The following ADAMTS3 variants were observed in gnomAD, a reference collection of about 807,000 sequenced individuals.
ADAMTS3 encodes ADAM metallopeptidase with thrombospondin type 1 motif 3, also known as A disintegrin and metalloproteinase with thrombospondin motifs 3.
A neutral mutation model predicts 129.0 loss-of-function variants in ADAMTS3; 73 were observed. The ratio of observed to expected loss-of-function variants is 0.57; its 90% confidence interval spans 0.47 to 0.69. The LOEUF (loss-of-function observed/expected upper bound fraction) is 0.69, where lower values mean the gene tolerates loss of function less well. Ranked by LOEUF, ADAMTS3 falls within the 30% of genes least tolerant of loss-of-function variation. The probability of loss-of-function intolerance (pLI) is 0.00; values close to 1 mark genes in which losing one functional copy is unlikely to be tolerated. For missense variants in ADAMTS3, 1,457 were observed against 1,514.5 expected (o/e 0.96, Z 0.63); for synonymous variants, 477 against 510.8 (o/e 0.93, Z 0.89).
intron 5 of ADAMTS3, among the ~76,000 whole-genome samples, chr4:72,326,124 T>C (rs1026100267): frequency 1.3e-5 from 2 of 152,100 alleles, no homozygotes; most frequent in East Asian, 3.9e-4. Flanking sequence ...CAAAATCAGT[T>C]TAAGAATGTT....
chr4:72,309,496 C>G lies in ADAMTS3; in HGVS notation c.2080G>C (p.Gly694Arg). Reference protein sequence around the residue: ...CVKVGCDKEIGSNKVEDKCGV... With the variant: ...CVKVGCDKEIRSNKVEDKCGV... The stretch of plus-strand genomic sequence containing the variant: ...CACTTATCCTCAACCTTATTAGAAC[C>G]AATTTCTTTATCACAGCCCACTTTC... Residue 694 changes from glycine to arginine, a missense_variant, in exon 15 of 22, where the codon GGT becomes CGT. Transcript: ENST00000286657. The G allele has an allele frequency of 1.9e-6, 3 of 1,611,766 alleles. No homozygotes were observed. The highest frequency in any genetic ancestry group is 1.7e-6 in the Non-Finnish European group (2 of 1,178,370).
At chr4:72,410,379 C>T (rs567666824) in intron 4 of ADAMTS3, among the ~76,000 whole-genome samples, 112 of 152,148 alleles carry the variant, frequency 7.4e-4, no homozygotes, top group African/African-American at 2.6e-3. Context: ...CACAAGCACT[C>T]GGGTTCATGC....
At chr4:72,434,333 A>T (rs2109950795) in intron 3 of ADAMTS3, among the ~76,000 whole-genome samples, 1 of 152,036 alleles carries the variant, frequency 6.6e-6, no homozygotes, top group East Asian at 1.9e-4. Flanking sequence ...AGACTCAAGA[A>T]ATTAAAATGG....
intron 3 of ADAMTS3, among the ~76,000 whole-genome samples, chr4:72,436,684 G>C (rs898530906): frequency 1.3e-5 from 2 of 151,994 alleles, no homozygotes; most frequent in African/African-American, 4.8e-5. Flanking sequence ...CCATAAAAAA[G>C]GATGAGTTCA....
chr4:72,393,401 TTTG>T (rs1721649569), intron 4 of ADAMTS3, among the ~76,000 whole-genome samples: 1 of 152,206 alleles, frequency 6.6e-6, no homozygotes, highest in Non-Finnish European at 1.5e-5. Flanking sequence ...ACATTTCCTC[TTTG>T]TTGTTTTAAA....
chr4:72,555,826 T>C (rs1721749820), intron 2 of ADAMTS3, among the ~76,000 whole-genome samples: 1 of 151,380 alleles, frequency 6.6e-6, no homozygotes, highest in Non-Finnish European at 1.5e-5. Flanking sequence ...TGAGTTCTCA[T>C]GAGATATGGT....
intron 4 of ADAMTS3, among the ~76,000 whole-genome samples, chr4:72,399,796 GTA>G (rs1207164823): frequency 2.7e-5 from 4 of 146,370 alleles, no homozygotes; most frequent in African/African-American, 1.0e-4. Context: ...GCATATGTGT[GTA>G]TATATATACA....
intron 4 of ADAMTS3, among the ~76,000 whole-genome samples, chr4:72,355,522 T>A (rs1019416006): frequency 6.6e-5 from 10 of 152,004 alleles, no homozygotes; most frequent in African/African-American, 2.4e-4. Context: ...CTCATTGTGA[T>A]GGTATTAAGA....
intron 4 of ADAMTS3, among the ~76,000 whole-genome samples, chr4:72,366,188 A>G (rs72863706): frequency 0.076 from 11,579 of 152,242 alleles, 1,505 homozygotes; most frequent in African/African-American, 0.26. Context: ...AAAATAGCTC[A>G]CATGTCTTGG....
At chr4:72,458,889 A>C (rs1718692866) in intron 3 of ADAMTS3, among the ~76,000 whole-genome samples, 1 of 151,636 alleles carries the variant, frequency 6.6e-6, no homozygotes, top group Non-Finnish European at 1.5e-5. Context: ...AATATTCTTC[A>C]CTGGTGACCA....
chr4:72,336,392 G>A (rs945411911), intron 5 of ADAMTS3, among the ~76,000 whole-genome samples: 7 of 152,194 alleles, frequency 4.6e-5, no homozygotes, highest in Non-Finnish European at 8.8e-5. Context: ...AAAGGAGATA[G>A]TTATTTGAAC....
chr4:72,322,866 G>A (rs554161524), intron 6 of ADAMTS3, 148 bp downstream of exon 6: 2 of 574,306 alleles, frequency 3.5e-6, no homozygotes, highest in South Asian at 2.7e-5. Flanking sequence ...CTCCACTCAT[G>A]TGGCAGTTTC....
rs528721001 is a variant in ADAMTS3 at position 72,412,806 on chromosome 4, A to G, written c.661+2009T>C. 1.4e-4 allele frequency among the ~76,000 whole-genome samples: 22 copies of G among 152,154 alleles called. No individual in the cohort carries two copies. The South Asian group carries it at 1.7e-3, about 11-fold the overall frequency. ...AACTTGTCTCAAAATATATTACTCTAGTTGGTGGCCTACTTCAACTATAAT... is the reference window on the plus strand; with the variant it reads ...AACTTGTCTCAAAATATATTACTCTGGTTGGTGGCCTACTTCAACTATAAT... On this transcript the variant is annotated intron_variant, in intron 4 of 21. Transcript: ENST00000286657.
chr4:72,490,044 A>G lies in ADAMTS3; in HGVS notation c.504+58434T>C, dbSNP rs1230236612. 2.0e-5 allele frequency among the ~76,000 whole-genome samples: 3 copies of G among 151,730 alleles called. No homozygotes were observed. The East Asian group carries it at 5.8e-4, about 29-fold the overall frequency. ...AACACTTATCTTTCACTTTTCTCCT[A>G]GTAGCCATTTCAACAGGTGTGATGC... On this transcript the variant is annotated intron_variant, in intron 3 of 21. Coordinates refer to ENST00000286657, the MANE Select transcript of ADAMTS3 (RefSeq NM_014243.3).
At chr4:72,338,648 A>G (rs1337601497) in intron 5 of ADAMTS3, among the ~76,000 whole-genome samples, 2 of 146,564 alleles carry the variant, frequency 1.4e-5, no homozygotes, top group Non-Finnish European at 3.0e-5. Flanking sequence ...AAAAGTTGTG[A>G]GGGGGGAGGG....
intron 4 of ADAMTS3, among the ~76,000 whole-genome samples, chr4:72,380,999 C>T (rs953472355): frequency 6.6e-6 from 1 of 151,376 alleles, no homozygotes; most frequent in Non-Finnish European, 1.5e-5. Context: ...ATCACTGACT[C>T]ATTCATATGA....
chr4:72,430,847 G>C (rs1722680553), intron 3 of ADAMTS3, among the ~76,000 whole-genome samples: 1 of 149,948 alleles, frequency 6.7e-6, no homozygotes, highest in African/African-American at 2.4e-5. Context: ...AAAACTCAAG[G>C]AAAAAGTCTG....
intron 3 of ADAMTS3, among the ~76,000 whole-genome samples, chr4:72,420,871 C>A (rs755959516): frequency 3.9e-5 from 6 of 151,998 alleles, no homozygotes; most frequent in Non-Finnish European, 7.4e-5. Flanking sequence ...TTGTTTTAAC[C>A]ATTTTCTTGA....
In ADAMTS3 at chr4:72,396,688, A is replaced by G. The variant is rs1285149601; in HGVS notation, c.661+18127T>C. Among the ~76,000 whole-genome samples, 3 of 152,218 alleles carry G rather than the reference A, an allele frequency of 2.0e-5. No individual in the cohort carries two copies. The South Asian group carries it at 6.2e-4, about 32-fold the overall frequency. On this transcript the variant is annotated intron_variant, in intron 4 of 21. Transcript: ENST00000286657. ...ACACATGACATTACTTTTAAAGCAC[A>G]TTATGTTGGGGTATTTATAACTATG... is the stretch of plus-strand genomic sequence containing the variant.
Sources: gnomAD v4.1 joint callset for allele counts (sites outside exome capture counted in the v4.1 genomes callset) on GRCh38, gnomAD v4.1.1 for gene constraint, MANE v1.5 for transcripts, NCBI Gene and HGNC (gene_info 2026-07-23, HGNC 2026-07-21) for gene names.